Variants in MCCC2 observed in about 807,000 individuals in gnomAD.
The protein encoded by MCCC2 is methylcrotonoyl-CoA carboxylase beta chain, mitochondrial.
A neutral mutation model predicts 77.2 loss-of-function variants in MCCC2; 52 were observed. The observed-to-expected ratio is 0.67, with a 90% CI of 0.54 to 0.85. The LOEUF (loss-of-function observed/expected upper bound fraction) is 0.85. Ranked by LOEUF, MCCC2 falls within the 40% of genes least tolerant of loss-of-function variation. The pLI is 0.00. For missense variants in MCCC2, 682 were observed against 703.2 expected (o/e 0.97, Z 0.34); for synonymous variants, 253 against 248.4 (o/e 1.02, Z -0.18).
chr5:71,609,951 A>G (rs1365750377), intron 6 of MCCC2, among the ~76,000 whole-genome samples: 2 of 152,044 alleles, frequency 1.3e-5, no homozygotes, highest in Admixed American at 6.5e-5. Context: ...GTGTGCTGGG[A>G]GAACCACTGC....
chr5:71,590,796 G>A (rs1240026113), intron 1 of MCCC2, among the ~76,000 whole-genome samples: 1 of 148,614 alleles, frequency 6.7e-6, no homozygotes, highest in South Asian at 2.1e-4. Flanking sequence ...CAGCCTGGGC[G>A]ACACGGCCAG....
chr5:71,625,734 G>C (rs1319450062), intron 6 of MCCC2, among the ~76,000 whole-genome samples: 4 of 152,144 alleles, frequency 2.6e-5, no homozygotes, highest in African/African-American at 9.7e-5. Context: ...GAGGAAGAAT[G>C]CTTTTTGTGT....
intron 2 of MCCC2, among the ~76,000 whole-genome samples, chr5:71,595,427 T>TAAAA (rs1445442817): frequency 4.3e-5 from 1 of 23,272 alleles, no homozygotes. Flanking sequence ...AGATCTTGTC[T>TAAAA]CAAAAAAAAA....
intron 6 of MCCC2, among the ~76,000 whole-genome samples, chr5:71,615,143 A>G (rs986221729): frequency 2.0e-5 from 3 of 152,080 alleles, no homozygotes; most frequent in Admixed American, 6.6e-5. Context: ...ACTTTTTTGT[A>G]TTTTTAATAG....
At chr5:71,604,836 GT>G (rs1251188368) in intron 6 of MCCC2, among the ~76,000 whole-genome samples, 4 of 143,692 alleles carry the variant, frequency 2.8e-5, no homozygotes, top group African/African-American at 1.0e-4. Flanking sequence ...GCGGTGTTTG[GT>G]TTTTTGTTCT....
intron 3 of MCCC2, among the ~76,000 whole-genome samples, chr5:71,598,882 G>C (rs903275422): frequency 1.3e-5 from 2 of 152,040 alleles, no homozygotes; most frequent in African/African-American, 4.8e-5. Context: ...CTCCCAAGTA[G>C]CTGGGACCAC....
At chr5:71,624,692 TC>T (rs10572956) in intron 6 of MCCC2, among the ~76,000 whole-genome samples, 71 of 100,378 alleles carry the variant, frequency 7.1e-4, no homozygotes, top group African/African-American at 2.8e-3. Context: ...TTTCTTTCTT[TC>T]TTTTTTTTTT....
chr5:71,613,617 TC>T (rs1363226964), intron 6 of MCCC2, among the ~76,000 whole-genome samples: 4 of 152,138 alleles, frequency 2.6e-5, no homozygotes, highest in African/African-American at 7.2e-5. Flanking sequence ...ACACCTGTGG[TC>T]CTAGCTGTTT....
chr5:71,604,784 A>G (rs1373692693), intron 6 of MCCC2, among the ~76,000 whole-genome samples: 2 of 127,672 alleles, frequency 1.6e-5, no homozygotes, highest in Non-Finnish European at 3.2e-5. Flanking sequence ...TCCTGTGTCC[A>G]TGTGATCTCA....
At chr5:71,627,932 C>T (rs962842058) in intron 7 of MCCC2, among the ~76,000 whole-genome samples, 1 of 152,128 alleles carries the variant, frequency 6.6e-6, no homozygotes, top group African/African-American at 2.4e-5. Context: ...CAACCTCCAC[C>T]TCCCAGGTTC....
At chr5:71,617,685 T>C (rs936378311) in intron 6 of MCCC2, among the ~76,000 whole-genome samples, 2 of 152,204 alleles carry the variant, frequency 1.3e-5, no homozygotes, top group African/African-American at 4.8e-5. Context: ...TCAATTATGT[T>C]ATGTATTTAT....
At chr5:71,627,043 A>T (rs1746552770) in intron 7 of MCCC2, among the ~76,000 whole-genome samples, 1 of 152,118 alleles carries the variant, frequency 6.6e-6, no homozygotes. Flanking sequence ...TTCTGTCCTT[A>T]TGAATTTGAC....
chr5:71,602,383 A>T, intron 4 of MCCC2, 123 bp from the exon 5 acceptor site: 1 of 1,188,546 alleles, frequency 8.4e-7, no homozygotes, highest in Non-Finnish European at 1.3e-6. Flanking sequence ...GCTGTCTGCT[A>T]ATGGATGTTA....
chr5:71,623,465 TC>T (rs1369065276), intron 6 of MCCC2, among the ~76,000 whole-genome samples: 1 of 152,106 alleles, frequency 6.6e-6, no homozygotes, highest in Non-Finnish European at 1.5e-5. Context: ...TACAGCCTCT[TC>T]CTAGAGCAGC....
chr5:71,635,045 G>A lies in MCCC2; in HGVS notation c.903+3G>A. 6.2e-7 allele frequency: 1 copy of A among 1,613,726 alleles called. No homozygotes were observed. The highest frequency in any genetic ancestry group is 8.5e-7 in the Non-Finnish European group (1 of 1,179,680). On this transcript the variant is annotated splice_donor_region_variant and intron_variant, in intron 9 of 16. Transcript: ENST00000340941. ...TAAATTATCAGAAGAAATTGGATGTGAGTACGATATGTTCTTATATCTTTT... is the reference window on the plus strand; with the variant it reads ...TAAATTATCAGAAGAAATTGGATGTAAGTACGATATGTTCTTATATCTTTT...
At chr5:71,626,582 C>T (rs1432947366) in intron 6 of MCCC2, 58 bp from the exon 7 acceptor site, 26 of 1,351,794 alleles carry the variant, frequency 1.9e-5, no homozygotes, top group Non-Finnish European at 2.6e-5. Context: ...GGATCAAACA[C>T]TATAGAAGTC....
At chr5:71,616,955 C>T (rs1234639209) in intron 6 of MCCC2, among the ~76,000 whole-genome samples, 1 of 152,170 alleles carries the variant, frequency 6.6e-6, no homozygotes, top group Non-Finnish European at 1.5e-5. Context: ...TGCCTGGTGT[C>T]CCTGTCTGCC....
At chr5:71,620,365 A>G (rs1746313133) in intron 6 of MCCC2, among the ~76,000 whole-genome samples, 1 of 152,198 alleles carries the variant, frequency 6.6e-6, no homozygotes, top group African/African-American at 2.4e-5. Flanking sequence ...AAAAAGAAGT[A>G]AGGTGACAGA....
chr5:71,622,844 C>T (rs1033224008), intron 6 of MCCC2, among the ~76,000 whole-genome samples: 5 of 152,110 alleles, frequency 3.3e-5, no homozygotes, highest in Non-Finnish European at 7.4e-5. Flanking sequence ...CGGTGGCTCA[C>T]GCCTGTAATC....
Sources: gnomAD v4.1 joint callset for allele counts (sites outside exome capture counted in the v4.1 genomes callset) on GRCh38, gnomAD v4.1.1 for gene constraint, MANE v1.5 for transcripts, NCBI Gene and HGNC (gene_info 2026-07-23, HGNC 2026-07-21) for gene names.